SPAG16: variants seen among roughly 807,000 people sequenced by gnomAD.
SPAG16 encodes the protein sperm-associated antigen 16 protein.
SPAG16 carries 86 observed loss-of-function variants against 80.4 expected under a neutral mutation model. The observed-to-expected ratio is 1.07, with a 90% confidence interval of 0.90 to 1.28. SPAG16 has a LOEUF of 1.28. Ranked by LOEUF, SPAG16 falls within the 50% of genes most tolerant of loss-of-function variation. The pLI, the probability that SPAG16 is intolerant of heterozygous loss-of-function variation, is 0.00. For missense variants in SPAG16, 870 were observed against 765.3 expected (o/e 1.14, Z -1.61); for synonymous variants, 294 against 265.9 (o/e 1.11, Z -1.03).
chr2:213,401,483 TAAA>T (rs751329374), intron 9 of SPAG16, among the ~76,000 whole-genome samples: 26 of 152,248 alleles, frequency 1.7e-4, no homozygotes, highest in Non-Finnish European at 3.4e-4. Flanking sequence ...GATCTTGGAT[TAAA>T]GGATATAAAC....
At chr2:214,017,939 A>G (rs1291772411) in intron 13 of SPAG16, among the ~76,000 whole-genome samples, 1 of 152,180 alleles carries the variant, frequency 6.6e-6, no homozygotes, top group East Asian at 1.9e-4. Context: ...TTTAAATGAA[A>G]TATGATTCCT....
chr2:214,057,445 G>A (rs1335371355), intron 13 of SPAG16, among the ~76,000 whole-genome samples: 5 of 151,960 alleles, frequency 3.3e-5, no homozygotes, highest in African/African-American at 9.7e-5. Context: ...AGGTCTTAAC[G>A]GTGGGCTTAG....
At chr2:213,599,583 A>G (rs891855133) in intron 10 of SPAG16, among the ~76,000 whole-genome samples, 1 of 152,248 alleles carries the variant, frequency 6.6e-6, no homozygotes, top group African/African-American at 2.4e-5. Flanking sequence ...CTTTATTGTA[A>G]GAATACAGTA....
intron 10 of SPAG16, among the ~76,000 whole-genome samples, chr2:213,653,464 A>G (rs544740063): frequency 5.3e-5 from 8 of 152,192 alleles, no homozygotes; most frequent in Admixed American, 2.0e-4. Context: ...CAGATAGTAA[A>G]TACCTTTGAA....
At chr2:214,194,109 C>A (rs890461330) in intron 15 of SPAG16, among the ~76,000 whole-genome samples, 4 of 152,058 alleles carry the variant, frequency 2.6e-5, no homozygotes, top group Non-Finnish European at 5.9e-5. Context: ...GTAACTGACT[C>A]ATTCTAAAGC....
At chr2:213,838,232 T>C (rs1428409618) in intron 10 of SPAG16, among the ~76,000 whole-genome samples, 1 of 152,086 alleles carries the variant, frequency 6.6e-6, no homozygotes, top group East Asian at 1.9e-4. Context: ...AGTGCAGTGG[T>C]GTAATCTTGA....
chr2:213,861,515 T>A (rs10179905), intron 10 of SPAG16, among the ~76,000 whole-genome samples: 52,304 of 152,010 alleles, frequency 0.34, 9,456 homozygotes, highest in South Asian at 0.47. Flanking sequence ...CGCACCACAT[T>A]GGCAAGTAAA....
chr2:214,051,222 C>T (rs2049625995), intron 13 of SPAG16, among the ~76,000 whole-genome samples: 1 of 152,164 alleles, frequency 6.6e-6, no homozygotes, highest in South Asian at 2.1e-4. Context: ...TTTTACATGC[C>T]AGTCTTTTAT....
At chr2:213,926,386 CCA>C (rs2078480446) in intron 11 of SPAG16, among the ~76,000 whole-genome samples, 1 of 152,086 alleles carries the variant, frequency 6.6e-6, no homozygotes, top group South Asian at 2.1e-4. Context: ...ACCCCTCGCC[CCA>C]CTTCCATTCC....
chr2:213,652,436 G>A (rs1230201954), intron 10 of SPAG16, among the ~76,000 whole-genome samples: 3 of 152,038 alleles, frequency 2.0e-5, no homozygotes, highest in African/African-American at 7.2e-5. Flanking sequence ...TTTTGAACAT[G>A]CTTTAATACA....
At chr2:213,534,325 T>G (rs2076169550) in intron 10 of SPAG16, among the ~76,000 whole-genome samples, 1 of 152,118 alleles carries the variant, frequency 6.6e-6, no homozygotes, top group South Asian at 2.1e-4. Context: ...GAAAACTGGT[T>G]GGCAATTTCT....
At chr2:213,844,757 G>A (rs2074529502) in intron 10 of SPAG16, among the ~76,000 whole-genome samples, 1 of 152,106 alleles carries the variant, frequency 6.6e-6, no homozygotes, top group Admixed American at 6.6e-5. Context: ...CTTTACCAAT[G>A]AAAGGAAACA....
chr2:213,556,384 A>G (rs1018730467), intron 10 of SPAG16, among the ~76,000 whole-genome samples: 2 of 151,536 alleles, frequency 1.3e-5, no homozygotes, highest in African/African-American at 4.8e-5. Context: ...AAAACCATGT[A>G]TAAAAGTGAA....
At chr2:213,909,073 T>C (rs550037611) in intron 11 of SPAG16, among the ~76,000 whole-genome samples, 3 of 152,244 alleles carry the variant, frequency 2.0e-5, no homozygotes, top group East Asian at 1.9e-4. Context: ...AGCATTCTTA[T>C]ACACCAAAAA....
At chr2:214,151,815 A>G (rs1334918496) in intron 15 of SPAG16, among the ~76,000 whole-genome samples, 1 of 152,208 alleles carries the variant, frequency 6.6e-6, no homozygotes, top group Non-Finnish European at 1.5e-5. Flanking sequence ...TATTGAAAAC[A>G]CACATGTAAT....
In SPAG16 at chr2:214,385,936, A is replaced by T. The variant is rs185528661; in HGVS notation, c.1721-24204A>T. ...ACAGATCCAAATCTGAAGTTCAACA[A>T]TAAAGTCATTGTATTGAATTTGCTG... On this transcript the variant is annotated intron_variant, in intron 15 of 15. Coordinates refer to ENST00000331683, the MANE Select transcript of SPAG16 (RefSeq NM_024532.5). Among the ~76,000 whole-genome samples, 990 of 152,328 alleles carry T rather than the reference A, an allele frequency of 6.5e-3. 12 individuals carry two copies. The highest frequency in any genetic ancestry group is 0.053 in the South Asian group (254 of 4,830).
In SPAG16 at chr2:213,574,165, G is replaced by C. The variant is rs563106081; in HGVS notation, c.1070+84075G>C. ...CTTGTAGGTTATATGCTATCACTCT[G>C]TCCTTTCACCATAGTACTTTGTAGA... On this transcript the variant is annotated intron_variant, in intron 10 of 15. Transcript: ENST00000331683. Among the ~76,000 whole-genome samples, 190 of 152,212 alleles carry C rather than the reference G, an allele frequency of 1.2e-3. 1 individual carries two copies. The highest frequency in any genetic ancestry group is 4.4e-3 in the African/African-American group (182 of 41,528).
At chr2:213,826,528 T>C (rs1377820133) in intron 10 of SPAG16, among the ~76,000 whole-genome samples, 6 of 152,032 alleles carry the variant, frequency 3.9e-5, no homozygotes, top group Admixed American at 1.3e-4. Context: ...TATTGTTTAA[T>C]TTCCATGTGT....
At chr2:213,799,699 A>T (rs140484898) in intron 10 of SPAG16, among the ~76,000 whole-genome samples, 1,550 of 152,232 alleles carry the variant, frequency 0.01, 16 homozygotes, top group Middle Eastern at 0.02. Context: ...ATATAACATA[A>T]ATGATTACTT....
Sources: gnomAD v4.1 joint callset for allele counts (sites outside exome capture counted in the v4.1 genomes callset) on GRCh38, gnomAD v4.1.1 for gene constraint, MANE v1.5 for transcripts, NCBI Gene and HGNC (gene_info 2026-07-23, HGNC 2026-07-21) for gene names.